Variants in SRPK2 observed in about 807,000 individuals in gnomAD.
The protein encoded by SRPK2 is SFRS protein kinase 2.
A neutral mutation model predicts 90.8 loss-of-function variants in SRPK2; 21 were observed. The observed-to-expected ratio is 0.23, with a 90% confidence interval of 0.16 to 0.33. The LOEUF is 0.33. Ranked by LOEUF, SRPK2 falls within the 10% of genes least tolerant of loss-of-function variation. The pLI is 1.00. For synonymous variants in SRPK2, 288 were observed against 311.1 expected, an observed-to-expected ratio of 0.93 and a Z score of 0.78; for missense variants, 620 against 869.0, an observed-to-expected ratio of 0.71 and a Z score of 3.60.
rs112285447 is a variant in SRPK2 at position 105,262,036 on chromosome 7, G to A, written c.72-58251C>T. On this transcript the variant is annotated intron_variant, in intron 2 of 15. Transcript: ENST00000393651. ...AGTTTACCTAACTCCCAAGCACAAG[G>A]GGAAGACAGCTGAAAGGTTTTAAAC... 5.1e-3 allele frequency among the ~76,000 whole-genome samples: 773 copies of A among 152,196 alleles called. 15 individuals carry two copies. Among genetic ancestry groups the A allele is most frequent in the Non-Finnish European group, 5.5e-3 (374 of 68,012 alleles).
chr7:105,148,668 C>T (rs1030697055), intron 7 of SRPK2, among the ~76,000 whole-genome samples: 2 of 152,150 alleles, frequency 1.3e-5, no homozygotes, highest in Non-Finnish European at 1.5e-5. Context: ...CCGACTGTTA[C>T]TGTGTCTATG....
chr7:105,172,879 C>T (rs1272966915), intron 3 of SRPK2, among the ~76,000 whole-genome samples: 2 of 152,106 alleles, frequency 1.3e-5, no homozygotes, highest in African/African-American at 2.4e-5. Context: ...TAAAAAGAAA[C>T]CTGTATCACT....
chr7:105,184,410 A>C (rs1217353828), intron 3 of SRPK2, among the ~76,000 whole-genome samples: 1 of 152,150 alleles, frequency 6.6e-6, no homozygotes, highest in Admixed American at 6.5e-5. Context: ...TTTACCCTTA[A>C]ATTTCTATGG....
chr7:105,361,653 G>C (rs1818438025), intron 2 of SRPK2, among the ~76,000 whole-genome samples: 1 of 151,988 alleles, frequency 6.6e-6, no homozygotes, highest in Non-Finnish European at 1.5e-5. Context: ...CAGAACAGAG[G>C]CCTCAGAAAT....
Position 105,299,552 on chromosome 7 carries a change from C to T in SRPK2, c.71+89096G>A, listed in dbSNP as rs139743759. On this transcript the variant is annotated intron_variant, in intron 2 of 15. Transcript: ENST00000393651. ...AGACACTGGAGAGATATAACGGTCC[C>T]ATCACCTCACAAGAAGCATAACTCA... Among the ~76,000 whole-genome samples, 648 of 152,318 alleles carry T rather than the reference C, an allele frequency of 4.3e-3. 5 individuals carry two copies. The highest frequency in any genetic ancestry group is 0.015 in the African/African-American group (618 of 41,568).
At chr7:105,183,279 A>C (rs773095729) in intron 3 of SRPK2, among the ~76,000 whole-genome samples, 3 of 152,234 alleles carry the variant, frequency 2.0e-5, no homozygotes, top group Non-Finnish European at 2.9e-5. Flanking sequence ...AAGAGCTCAC[A>C]ATGCAAAGTC....
chr7:105,270,093 G>A (rs1805626570), intron 2 of SRPK2, among the ~76,000 whole-genome samples: 2 of 152,208 alleles, frequency 1.3e-5, no homozygotes, highest in East Asian at 1.9e-4. Flanking sequence ...CAATGGACCT[G>A]TACAGAAATA....
intron 2 of SRPK2, among the ~76,000 whole-genome samples, chr7:105,296,750 C>T (rs1809867140): frequency 6.6e-6 from 1 of 152,178 alleles, no homozygotes; most frequent in African/African-American, 2.4e-5. Flanking sequence ...ATAGAGCTTA[C>T]TATGTGCCAG....
Position 105,176,621 on chromosome 7 carries a change from G to GTGTATGTA in SRPK2, c.230-7357_230-7356insTACATACA, listed in dbSNP as rs148629862. ...TGTGTGTGTGTGTGTATACGTGTGT[G>GTGTATGTA]TATATATATATATGCACAGTGGCAT... On this transcript the variant is annotated intron_variant, in intron 3 of 15. Transcript: ENST00000393651. 4.9e-4 allele frequency among the ~76,000 whole-genome samples: 72 copies of GTGTATGTA among 147,550 alleles called. 1 individual carries two copies. Among genetic ancestry groups the GTGTATGTA allele is most frequent in the Non-Finnish European group, 8.3e-4 (56 of 67,248 alleles).
intron 3 of SRPK2, among the ~76,000 whole-genome samples, chr7:105,186,476 T>G (rs1282008460): frequency 6.6e-6 from 1 of 152,236 alleles, no homozygotes; most frequent in Non-Finnish European, 1.5e-5. Context: ...GTTTTTTCAC[T>G]TAAAATAATG....
At chr7:105,371,819 G>A (rs1056652439) in intron 2 of SRPK2, among the ~76,000 whole-genome samples, 1 of 152,018 alleles carries the variant, frequency 6.6e-6, no homozygotes, top group Non-Finnish European at 1.5e-5. Flanking sequence ...TAAATTTACA[G>A]TTCTAAAAAC....
At chr7:105,133,146 G>A (rs1243394494) in intron 11 of SRPK2, 42 bp from the exon 12 acceptor site, 5 of 1,593,812 alleles carry the variant, frequency 3.1e-6, no homozygotes, top group Non-Finnish European at 4.3e-6. Context: ...ATCGGGATAG[G>A]TGGTTTGCAT....
At chr7:105,195,935 C>G (rs527566226) in intron 3 of SRPK2, among the ~76,000 whole-genome samples, 1 of 152,344 alleles carries the variant, frequency 6.6e-6, no homozygotes, top group East Asian at 1.9e-4. Flanking sequence ...GTGGCAAAGT[C>G]TAAGAGGCCA....
intron 11 of SRPK2, among the ~76,000 whole-genome samples, chr7:105,135,096 A>G (rs1802594128): frequency 6.6e-6 from 1 of 152,180 alleles, no homozygotes; most frequent in African/African-American, 2.4e-5. Flanking sequence ...GATGAACAAC[A>G]CTAGACATGA....
At chr7:105,378,867 TG>T (rs1189160712) in intron 2 of SRPK2, among the ~76,000 whole-genome samples, 1 of 152,062 alleles carries the variant, frequency 6.6e-6, no homozygotes, top group Non-Finnish European at 1.5e-5. Context: ...TTTATTACAA[TG>T]ACACTGCCAA....
chr7:105,284,053 TTTTG>T (rs773335349), intron 2 of SRPK2, among the ~76,000 whole-genome samples: 55 of 152,230 alleles, frequency 3.6e-4, no homozygotes, highest in African/African-American at 4.1e-4. Flanking sequence ...CTTGGGCGTT[TTTTG>T]TTTGTTTTTT....
rs767725026 is a variant in SRPK2, at chr7:105,117,985, G to T, written c.1953C>A (p.Ser651Arg). Residue 651 changes from serine to arginine, a missense_variant, in exon 16 of 16, where the codon AGC becomes AGA. By Grantham distance (110) the Ser-to-Arg change is moderately radical. Around this residue, in one of 8 missense-constraint regions of SRPK2, gnomAD observed 71 missense variants for 123.1 expected, o/e 0.58. Coordinates refer to ENST00000393651, the MANE Select transcript of SRPK2 (RefSeq NM_182692.3). Reference protein sequence around the residue: ...LRHITKLKPWSLFDVLVEKYG... With the variant: ...LRHITKLKPWRLFDVLVEKYG... ...ACTTTTCCACAAGTACATCAAAGAGGCTCCAGGGCTTCAGCTTGGTGATGT... is the reference window on the plus strand; with the variant it reads ...ACTTTTCCACAAGTACATCAAAGAGTCTCCAGGGCTTCAGCTTGGTGATGT... 6.2e-7 allele frequency: 1 copy of T among 1,614,150 alleles called. No individual in the cohort carries two copies. Among genetic ancestry groups the T allele is most frequent in the East Asian group, 2.2e-5 (1 of 44,872 alleles).
chr7:105,219,692 T>C (rs993443941), intron 2 of SRPK2, among the ~76,000 whole-genome samples: 1 of 152,262 alleles, frequency 6.6e-6, no homozygotes, highest in African/African-American at 2.4e-5. Context: ...AAAAAGTATA[T>C]GCCTAATGCT....
intron 2 of SRPK2, among the ~76,000 whole-genome samples, chr7:105,299,031 T>G (rs1300382899): frequency 2.0e-5 from 3 of 152,210 alleles, no homozygotes; most frequent in African/African-American, 7.2e-5. Context: ...CCATATGCAC[T>G]GAAACGTTAA....
Sources: gnomAD v4.1 joint callset for allele counts (sites outside exome capture counted in the v4.1 genomes callset) on GRCh38, gnomAD v4.1.1 for gene constraint, gnomAD v4.1.1 regional missense constraint, MANE v1.5 for transcripts, NCBI Gene and HGNC (gene_info 2026-07-23, HGNC 2026-07-21) for gene names.